The following EPHA6 variants were observed in gnomAD, a reference collection of about 807,000 sequenced individuals.
EPHA6 encodes ephrin type-A receptor 6.
EPHA6 carries 50 observed loss-of-function variants against 112.0 expected under a neutral mutation model. That is an observed-to-expected ratio of 0.45 (90% CI 0.36 to 0.56). The LOEUF (loss-of-function observed/expected upper bound fraction) is 0.56. Among genes scored for constraint, EPHA6 ranks in the 20% least tolerant of loss-of-function variants. The pLI, the probability that EPHA6 is intolerant of heterozygous loss-of-function variation, is 0.00. For synonymous variants in EPHA6, 529 were observed against 490.7 expected, an observed-to-expected ratio of 1.08 and a Z score of -1.03; for missense variants, 1,280 against 1,417.4, an observed-to-expected ratio of 0.90 and a Z score of 1.56.
At chr3:97,187,697 G>GA (rs1414052359) in intron 3 of EPHA6, among the ~76,000 whole-genome samples, 1 of 105,948 alleles carries the variant, frequency 9.4e-6, no homozygotes, top group Non-Finnish European at 2.0e-5. Context: ...AGGAAAGAAA[G>GA]AAAGAAAGAA....
At chr3:97,167,213 G>A (rs1162642167) in intron 3 of EPHA6, among the ~76,000 whole-genome samples, 2 of 152,140 alleles carry the variant, frequency 1.3e-5, no homozygotes, top group African/African-American at 4.8e-5. Flanking sequence ...GAAAATATGG[G>A]TTTGATAAGA....
chr3:96,991,538 T>C (rs2043216163), intron 3 of EPHA6, among the ~76,000 whole-genome samples: 1 of 152,104 alleles, frequency 6.6e-6, no homozygotes, highest in African/African-American at 2.4e-5. Flanking sequence ...GTAAAATGAG[T>C]ATCCGAGGAG....
intron 2 of EPHA6, among the ~76,000 whole-genome samples, chr3:96,980,380 C>T (rs1222504851): frequency 6.6e-6 from 1 of 152,110 alleles, no homozygotes; most frequent in Non-Finnish European, 1.5e-5. Context: ...GGTATTATTT[C>T]TGAGGGGTCT....
chr3:97,087,261 G>A (rs2046930971), intron 3 of EPHA6, among the ~76,000 whole-genome samples: 2 of 152,096 alleles, frequency 1.3e-5, no homozygotes, highest in Admixed American at 1.3e-4. Flanking sequence ...AGTCACTAGA[G>A]GACCTTGATG....
At chr3:97,137,722 A>AT (rs1559751055) in intron 3 of EPHA6, among the ~76,000 whole-genome samples, 1 of 152,212 alleles carries the variant, frequency 6.6e-6, no homozygotes. Flanking sequence ...AGGTCTAGAC[A>AT]TTGGTTTTAC....
At chr3:97,400,662 G>A (rs1337209025) in intron 5 of EPHA6, among the ~76,000 whole-genome samples, 2 of 151,424 alleles carry the variant, frequency 1.3e-5, no homozygotes, top group South Asian at 2.1e-4. Context: ...TATATTCCTA[G>A]ATATGATATT....
chr3:96,835,561 A>T (rs974934487), intron 1 of EPHA6, among the ~76,000 whole-genome samples: 1 of 152,040 alleles, frequency 6.6e-6, no homozygotes, highest in Non-Finnish European at 1.5e-5. Context: ...AGGGGTAATG[A>T]GGCAAATAAT....
At chr3:96,889,919 T>G (rs532512394) in intron 2 of EPHA6, among the ~76,000 whole-genome samples, 1 of 152,132 alleles carries the variant, frequency 6.6e-6, no homozygotes, top group Admixed American at 6.5e-5. Flanking sequence ...ATTGCAATAA[T>G]ATGAGAAAAA....
intron 6 of EPHA6, among the ~76,000 whole-genome samples, chr3:97,432,511 A>G (rs2089574006): frequency 6.6e-6 from 1 of 152,164 alleles, no homozygotes; most frequent in Admixed American, 6.5e-5. Context: ...TGAAAGGCTT[A>G]TGTTCACCTG....
intron 3 of EPHA6, among the ~76,000 whole-genome samples, chr3:97,054,309 A>G (rs961441597): frequency 3.3e-5 from 5 of 152,076 alleles, no homozygotes; most frequent in Admixed American, 2.0e-4. Context: ...TAGGTTTCAT[A>G]TTTGCTCTGG....
chr3:97,107,018 G>A (rs751254527), intron 3 of EPHA6, among the ~76,000 whole-genome samples: 1 of 152,016 alleles, frequency 6.6e-6, no homozygotes, highest in Non-Finnish European at 1.5e-5. Flanking sequence ...CACCATTCTT[G>A]TATCTTCCAA....
intron 2 of EPHA6, among the ~76,000 whole-genome samples, chr3:96,870,273 C>A (rs886695601): frequency 1.3e-5 from 2 of 151,952 alleles, no homozygotes; most frequent in African/African-American, 2.4e-5. Flanking sequence ...TAGTCCTAGT[C>A]CAAAGGCCCG....
intron 11 of EPHA6, among the ~76,000 whole-genome samples, chr3:97,591,147 T>C (rs2093540497): frequency 6.6e-6 from 1 of 152,162 alleles, no homozygotes; most frequent in Non-Finnish European, 1.5e-5. Context: ...TTATTCACTG[T>C]ATTTAATTTT....
chr3:96,854,271 C>T (rs963620599), intron 1 of EPHA6, among the ~76,000 whole-genome samples: 5 of 150,932 alleles, frequency 3.3e-5, no homozygotes, highest in African/African-American at 1.2e-4. Flanking sequence ...CCTCTGCCTC[C>T]TGGATTCAAG....
chr3:97,175,556 C>A (rs752445149), intron 3 of EPHA6, among the ~76,000 whole-genome samples: 5 of 151,632 alleles, frequency 3.3e-5, no homozygotes, highest in Non-Finnish European at 5.9e-5. Context: ...TTGTTGTAAT[C>A]TTCATTTTCC....
At chr3:97,526,837 G>A (rs1433844179) in intron 10 of EPHA6, among the ~76,000 whole-genome samples, 1 of 151,780 alleles carries the variant, frequency 6.6e-6, no homozygotes, top group Non-Finnish European at 1.5e-5. Flanking sequence ...GCTGTGGGAT[G>A]GAGGCTGACA....
intron 12 of EPHA6, among the ~76,000 whole-genome samples, chr3:97,598,139 T>C (rs1286240689): frequency 6.6e-6 from 1 of 151,734 alleles, no homozygotes; most frequent in Admixed American, 6.6e-5. Context: ...TTATTTTTTA[T>C]TTTTTTTATT....
chr3:97,606,927 A>G (rs1479465658), intron 12 of EPHA6, among the ~76,000 whole-genome samples: 1 of 151,166 alleles, frequency 6.6e-6, no homozygotes, highest in Non-Finnish European at 1.5e-5. Context: ...TTTTACAGTG[A>G]TAATCTAAGT....
intron 5 of EPHA6, among the ~76,000 whole-genome samples, chr3:97,296,695 T>A (rs2080886536): frequency 6.6e-6 from 1 of 152,020 alleles, no homozygotes; most frequent in African/African-American, 2.4e-5. Context: ...GGCCCTGTTG[T>A]GAGGGGTAGC....
Sources: gnomAD v4.1 joint callset for allele counts (sites outside exome capture counted in the v4.1 genomes callset) on GRCh38, gnomAD v4.1.1 for gene constraint, MANE v1.5 for transcripts, NCBI Gene and HGNC (gene_info 2026-07-23, HGNC 2026-07-21) for gene names.